Variants in CNTLN observed in about 807,000 individuals in gnomAD.
CNTLN encodes centlein, centrosomal protein.
CNTLN carries 212 observed loss-of-function variants against 180.0 expected under a neutral mutation model. The observed-to-expected ratio is 1.18, with a 90% CI of 1.05 to 1.32. CNTLN has a LOEUF of 1.32. CNTLN is among the 40% of genes most tolerant of loss of function. The pLI is 0.00. For missense variants in CNTLN, 2,095 were observed against 1,610.9 expected (o/e 1.30, Z -5.14); for synonymous variants, 722 against 563.1 (o/e 1.28, Z -3.99).
At chr9:17,246,954 C>T (rs147929551) in intron 5 of CNTLN, among the ~76,000 whole-genome samples, 1 of 152,180 alleles carries the variant, frequency 6.6e-6, no homozygotes, top group East Asian at 1.9e-4. Context: ...GAATGCGTGC[C>T]TCAGGGCACT....
intron 2 of CNTLN, among the ~76,000 whole-genome samples, chr9:17,157,618 A>G (rs1819388041): frequency 6.6e-6 from 1 of 152,202 alleles, no homozygotes; most frequent in Non-Finnish European, 1.5e-5. Context: ...AGTAAAGCAG[A>G]CTGCCCTCTC....
At chr9:17,357,245 T>A (rs1284365300) in intron 12 of CNTLN, among the ~76,000 whole-genome samples, 1 of 146,148 alleles carries the variant, frequency 6.8e-6, no homozygotes, top group Non-Finnish European at 1.5e-5. Context: ...TTTTGTTTAT[T>A]CAGCCATTGA....
chr9:17,464,390 G>T, intron 20 of CNTLN, 107 bp from the exon 21 acceptor site: 1 of 876,294 alleles, frequency 1.1e-6, no homozygotes, highest in Non-Finnish European at 1.7e-6. Flanking sequence ...TCAATATCAC[G>T]TAGCATTTAA....
intron 2 of CNTLN, among the ~76,000 whole-genome samples, chr9:17,204,941 G>A (rs962728316): frequency 6.6e-6 from 1 of 152,152 alleles, no homozygotes; most frequent in Non-Finnish European, 1.5e-5. Context: ...GCTGTGCTGT[G>A]GTGAATTCCG....
At chr9:17,523,971 C>T in the CNTLN span, among the ~76,000 whole-genome samples, 75 of 152,294 alleles carry the variant, frequency 4.9e-4, no homozygotes, top group Middle Eastern at 3.4e-3. Context: ...AAATCTCTTG[C>T]TTTTTCCTCT....
At chr9:17,372,519 G>A (rs1284006029) in intron 13 of CNTLN, among the ~76,000 whole-genome samples, 1 of 152,086 alleles carries the variant, frequency 6.6e-6, no homozygotes, top group East Asian at 1.9e-4. Flanking sequence ...AGGACCTGGT[G>A]ACTTCACTGC....
At chr9:17,338,776 A>G (rs922888409) in intron 10 of CNTLN, among the ~76,000 whole-genome samples, 1 of 152,176 alleles carries the variant, frequency 6.6e-6, no homozygotes, top group African/African-American at 2.4e-5. Flanking sequence ...AGAAGAAGAG[A>G]TATAAATAGC....
chr9:17,491,363 T>G (rs977916359), intron 25 of CNTLN, among the ~76,000 whole-genome samples: 1 of 152,128 alleles, frequency 6.6e-6, no homozygotes, highest in Admixed American at 6.6e-5. Context: ...CAATAAATAG[T>G]TAAAATGTAT....
intron 2 of CNTLN, among the ~76,000 whole-genome samples, chr9:17,144,583 G>A (rs1057391312): frequency 2.0e-5 from 3 of 151,680 alleles, no homozygotes; most frequent in Non-Finnish European, 4.4e-5. Context: ...TTAAATTATT[G>A]TTAGGTCATT....
intron 2 of CNTLN, among the ~76,000 whole-genome samples, chr9:17,193,417 T>A (rs998798224): frequency 1.1e-4 from 16 of 152,160 alleles, no homozygotes; most frequent in African/African-American, 3.6e-4. Context: ...TGGGTAAATA[T>A]AGCCATTCCA....
intron 15 of CNTLN, among the ~76,000 whole-genome samples, chr9:17,401,521 G>T (rs1353854240): frequency 6.7e-6 from 1 of 148,346 alleles, no homozygotes; most frequent in Non-Finnish European, 1.5e-5. Context: ...TACAGCACGT[G>T]CTACCGTGCC....
intron 12 of CNTLN, among the ~76,000 whole-genome samples, chr9:17,348,153 C>T (rs1822064562): frequency 6.6e-6 from 1 of 152,038 alleles, no homozygotes; most frequent in Admixed American, 6.6e-5. Flanking sequence ...TGATAACGCA[C>T]TGAGTATGTC....
At chr9:17,271,125 T>G (rs1357880693) in intron 5 of CNTLN, among the ~76,000 whole-genome samples, 2 of 151,990 alleles carry the variant, frequency 1.3e-5, no homozygotes, top group Non-Finnish European at 2.9e-5. Context: ...TAATTTTTTG[T>G]GTTTTTAGTA....
rs753803120 is a variant in CNTLN at position 17,135,249 on chromosome 9, G to A, written c.184G>A (p.Gly62Arg). Residue 62 changes from glycine (G) to arginine (R), a missense_variant, in exon 1 of 26, where the codon GGG becomes AGG. Gly to Arg is a moderately radical substitution (Grantham distance 125, BLOSUM62 -2). Transcript: ENST00000380647. ...TGATAAAATCTGGGTGGGTGAAGAA[G>A]GGTCAGGGGGCCGGCGAGGGCCTGG... is the stretch of plus-strand genomic sequence containing the variant. ...ESDKIWVGEEGSGGRRGPGGA... is the reference protein window; with the variant it reads ...ESDKIWVGEERSGGRRGPGGA... 6.2e-7 allele frequency: 1 copy of A among 1,606,200 alleles called. No individual in the cohort carries two copies. Among genetic ancestry groups the A allele is most frequent in the East Asian group, 2.2e-5 (1 of 44,520 alleles).
the CNTLN span, among the ~76,000 whole-genome samples, chr9:17,510,544 A>G: frequency 1.2e-3 from 185 of 152,302 alleles, no homozygotes; most frequent in African/African-American, 4.4e-3. Context: ...ATTGCCCTCC[A>G]TAATGTGGGA....
chr9:17,360,616 G>A (rs1348298500), intron 12 of CNTLN, among the ~76,000 whole-genome samples: 1 of 152,174 alleles, frequency 6.6e-6, no homozygotes, highest in Non-Finnish European at 1.5e-5. Context: ...ACAAGGAAGT[G>A]CACAGATGGG....
chr9:17,385,320 G>A (rs1004330717), intron 13 of CNTLN, among the ~76,000 whole-genome samples: 1 of 152,164 alleles, frequency 6.6e-6, no homozygotes, highest in Non-Finnish European at 1.5e-5. Context: ...ATTGGTGACT[G>A]AATTCAGTCT....
chr9:17,521,798 T>C, the CNTLN span, among the ~76,000 whole-genome samples: 1 of 152,130 alleles, frequency 6.6e-6, no homozygotes, highest in African/African-American at 2.4e-5. Context: ...CATTTCAGAG[T>C]TTGGGCTGCT....
intron 18 of CNTLN, among the ~76,000 whole-genome samples, chr9:17,427,215 A>G (rs567588218): frequency 1.3e-5 from 2 of 151,012 alleles, no homozygotes; most frequent in South Asian, 4.2e-4. Context: ...CTCCAGTCAC[A>G]TGCTCCGTGC....
Sources: allele counts gnomAD v4.1 joint callset (sites outside exome capture counted in the v4.1 genomes callset), GRCh38; gene constraint gnomAD v4.1.1; transcripts MANE v1.5; gene names NCBI Gene and HGNC (gene_info 2026-07-23, HGNC 2026-07-21).